The following PTPRG variants were observed in gnomAD, a reference collection of about 807,000 sequenced individuals.
PTPRG encodes the protein receptor-type tyrosine-protein phosphatase gamma.
PTPRG carries 102 observed loss-of-function variants against 165.3 expected under a neutral mutation model. The ratio of observed to expected loss-of-function variants is 0.62; its 90% confidence interval spans 0.53 to 0.73. The LOEUF (loss-of-function observed/expected upper bound fraction) is 0.73. PTPRG is among the 30% of genes least tolerant of loss of function. The pLI, the probability that PTPRG is intolerant of heterozygous loss-of-function variation, is 0.00. For missense variants in PTPRG, 1,866 were observed against 1,861.4 expected, an observed-to-expected ratio of 1.00 and a Z score of -0.05; for synonymous variants, 675 against 669.5, an observed-to-expected ratio of 1.01 and a Z score of -0.13.
intron 2 of PTPRG, among the ~76,000 whole-genome samples, chr3:61,790,912 T>G (rs1402580842): frequency 1.3e-5 from 2 of 152,158 alleles, no homozygotes; most frequent in Admixed American, 6.5e-5. Context: ...AAGATTAAAG[T>G]ATATATAAAA....
At chr3:62,176,271 T>A (rs1705419795) in intron 8 of PTPRG, among the ~76,000 whole-genome samples, 1 of 152,010 alleles carries the variant, frequency 6.6e-6, no homozygotes, top group South Asian at 2.1e-4. Context: ...GTGGGTAGGG[T>A]GAGCAAAGTG....
chr3:61,909,945 G>T (rs926113112), intron 2 of PTPRG, among the ~76,000 whole-genome samples: 1 of 152,032 alleles, frequency 6.6e-6, no homozygotes, highest in Non-Finnish European at 1.5e-5. Context: ...ACTCTTCATG[G>T]CATACTGTCC....
At chr3:61,852,544 G>T (rs374680718) in intron 2 of PTPRG, among the ~76,000 whole-genome samples, 11 of 152,184 alleles carry the variant, frequency 7.2e-5, no homozygotes, top group African/African-American at 2.7e-4. Context: ...CTTCAGTGAC[G>T]TTATAATTGG....
intron 4 of PTPRG, among the ~76,000 whole-genome samples, chr3:62,063,127 AC>A (rs34985512): frequency 1.3e-5 from 2 of 152,232 alleles, no homozygotes; most frequent in African/African-American, 4.8e-5. Context: ...TAAATGATTT[AC>A]CCCTGATCTT....
chr3:62,189,051 C>T (rs983579125), intron 8 of PTPRG, among the ~76,000 whole-genome samples: 5 of 152,048 alleles, frequency 3.3e-5, no homozygotes, highest in African/African-American at 9.7e-5. Flanking sequence ...TCTGTCACTC[C>T]GCCCTCATGT....
chr3:61,922,435 C>G (rs1482231453), intron 2 of PTPRG, among the ~76,000 whole-genome samples: 1 of 152,148 alleles, frequency 6.6e-6, no homozygotes, highest in Non-Finnish European at 1.5e-5. Flanking sequence ...CAGGGAGTGA[C>G]AGGAGCATGT....
At chr3:61,948,035 A>C (rs2039806632) in intron 2 of PTPRG, among the ~76,000 whole-genome samples, 1 of 152,096 alleles carries the variant, frequency 6.6e-6, no homozygotes, top group African/African-American at 2.4e-5. Flanking sequence ...TCAAGAAGGA[A>C]ACTCTAAGGC....
In PTPRG at chr3:61,834,767, C is replaced by T. The variant is rs145823059; in HGVS notation, c.190+85785C>T. 3.4e-3 allele frequency among the ~76,000 whole-genome samples: 517 copies of T among 152,162 alleles called. 7 individuals are homozygous for T. The highest frequency in any genetic ancestry group is 0.012 in the African/African-American group (497 of 41,522). ...GGTGGAGTTTGCAGTGAGCTGAGAT[C>T]GTGCCACTGCACTCCAGCCTGGGCT... is the stretch of plus-strand genomic sequence containing the variant. On this transcript the variant is annotated intron_variant, in intron 2 of 29. Coordinates refer to ENST00000474889, the MANE Select transcript of PTPRG (RefSeq NM_002841.4).
rs139741314 is a variant in PTPRG, at chr3:61,872,760, C to G, written c.191-116865C>G. 3.9e-5 allele frequency among the ~76,000 whole-genome samples: 6 copies of G among 152,256 alleles called. No individual in the cohort carries two copies. In the East Asian group the frequency reaches 1.2e-3, roughly 29 times the overall value. On this transcript the variant is annotated intron_variant, in intron 2 of 29. Coordinates refer to ENST00000474889, the MANE Select transcript of PTPRG (RefSeq NM_002841.4). ...CCTTAGTGAGCTGTGCTAGTGTGCT[C>G]TTTTTGAAAGGTAAGCAATCTTTGG... is the stretch of plus-strand genomic sequence containing the variant.
intron 2 of PTPRG, among the ~76,000 whole-genome samples, chr3:61,985,863 G>A (rs73085492): frequency 0.1 from 15,457 of 152,120 alleles, 857 homozygotes; most frequent in Middle Eastern, 0.13. Context: ...ACCTTTGCTG[G>A]GCTTGTTAAA....
intron 2 of PTPRG, among the ~76,000 whole-genome samples, chr3:61,961,072 C>T (rs2040142843): frequency 6.6e-6 from 1 of 152,088 alleles, no homozygotes; most frequent in Non-Finnish European, 1.5e-5. Flanking sequence ...GCCAAACAGG[C>T]AGTAAAGTGT....
At chr3:62,270,880 C>T (rs919460456) in intron 20 of PTPRG, among the ~76,000 whole-genome samples, 8 of 152,200 alleles carry the variant, frequency 5.3e-5, no homozygotes, top group Middle Eastern at 3.4e-3. Context: ...TGAGACATTG[C>T]CTCTGACTCT....
chr3:61,797,240 T>G (rs1030636359), intron 2 of PTPRG, among the ~76,000 whole-genome samples: 22 of 152,196 alleles, frequency 1.4e-4, no homozygotes, highest in Non-Finnish European at 2.1e-4. Flanking sequence ...GATGCAGAAA[T>G]TTCTTCTTCA....
At chr3:61,603,096 A>G (rs550028523) in intron 1 of PTPRG, among the ~76,000 whole-genome samples, 6 of 152,284 alleles carry the variant, frequency 3.9e-5, no homozygotes, top group South Asian at 2.1e-4. Context: ...TATTTATACC[A>G]TGGAAATCAG....
At chr3:61,577,368 T>C (rs2106788069) in intron 1 of PTPRG, among the ~76,000 whole-genome samples, 1 of 152,316 alleles carries the variant, frequency 6.6e-6, no homozygotes, top group African/African-American at 2.4e-5. Flanking sequence ...GCTTAATGAA[T>C]GTGAAATGTC....
chr3:61,812,156 G>T (rs372466076), intron 2 of PTPRG, among the ~76,000 whole-genome samples: 1 of 152,086 alleles, frequency 6.6e-6, no homozygotes, highest in Non-Finnish European at 1.5e-5. Context: ...CATTCTTACT[G>T]CAAATAACAA....
chr3:62,033,530 T>TC (rs147045221), intron 4 of PTPRG, among the ~76,000 whole-genome samples: 617 of 134,082 alleles, frequency 4.6e-3, no homozygotes, highest in African/African-American at 0.011. Flanking sequence ...ATGCCTATCT[T>TC]CCCCCCCCCA....
chr3:62,038,464 C>T (rs1407263117), intron 4 of PTPRG, among the ~76,000 whole-genome samples: 1 of 152,158 alleles, frequency 6.6e-6, no homozygotes, highest in African/African-American at 2.4e-5. Context: ...GTGGTGTAAT[C>T]TTGGCTCACT....
intron 2 of PTPRG, chr3:61,925,833 C>G: frequency 6.4e-6 from 3 of 469,442 alleles, no homozygotes; most frequent in South Asian, 4.6e-5. Flanking sequence ...ATTCTTATAA[C>G]TGGCTTGTCC....
Sources: allele counts gnomAD v4.1 joint callset (sites outside exome capture counted in the v4.1 genomes callset), GRCh38; gene constraint gnomAD v4.1.1; transcripts MANE v1.5; gene names NCBI Gene and HGNC (gene_info 2026-07-23, HGNC 2026-07-21).